LMNTD1: variants seen among roughly 807,000 people sequenced by gnomAD.
LMNTD1 encodes lamin tail domain-containing protein 1.
A neutral mutation model predicts 50.9 loss-of-function variants in LMNTD1; 35 were observed. The observed-to-expected ratio is 0.69, with a 90% CI of 0.53 to 0.91. The LOEUF (loss-of-function observed/expected upper bound fraction) is 0.91. LMNTD1 is among the 40% of genes least tolerant of loss of function. The pLI is 0.00. For synonymous variants in LMNTD1, 153 were observed against 161.9 expected, an observed-to-expected ratio of 0.94 and a Z score of 0.42; for missense variants, 470 against 475.5, an observed-to-expected ratio of 0.99 and a Z score of 0.11.
chr12:25,643,144 T>C (rs1056027992), intron 1 of LMNTD1, among the ~76,000 whole-genome samples: 17 of 152,192 alleles, frequency 1.1e-4, no homozygotes, highest in African/African-American at 4.1e-4. Context: ...TAATTTTAGA[T>C]TGTAATAAGA....
At chr12:25,533,952 C>G (rs1220686267) in intron 4 of LMNTD1, among the ~76,000 whole-genome samples, 2 of 152,178 alleles carry the variant, frequency 1.3e-5, no homozygotes, top group Non-Finnish European at 2.9e-5. Flanking sequence ...CATTTTGACT[C>G]TAGACTTGTA....
upstream of LMNTD1, among the ~76,000 whole-genome samples, chr12:25,554,514 A>G (rs1456699931): frequency 6.6e-6 from 1 of 152,172 alleles, no homozygotes; most frequent in Admixed American, 6.5e-5. Flanking sequence ...AATGAAAACC[A>G]ATTTCCTCTT....
At chr12:25,528,218 T>C (rs1489256904) in intron 4 of LMNTD1, among the ~76,000 whole-genome samples, 1 of 152,200 alleles carries the variant, frequency 6.6e-6, no homozygotes, top group Non-Finnish European at 1.5e-5. Context: ...AGGAACACTG[T>C]ATTATCTCAT....
chr12:25,622,329 A>C lies in LMNTD1; in HGVS notation c.58+26165T>G, dbSNP rs113447463. 4.6e-3 allele frequency among the ~76,000 whole-genome samples: 693 copies of C among 152,252 alleles called. 5 individuals carry two copies. Among genetic ancestry groups the C allele is most frequent in the Middle Eastern group, 0.017 (5 of 294 alleles). ...TACAGCAAACAGCTAACTTCACCGT[A>C]TGACTTAGCCAAGTGTAAAACAACA... is the stretch of plus-strand genomic sequence containing the variant. On this transcript the variant is annotated intron_variant, in intron 1 of 7. Coordinates refer to the LMNTD1 transcript ENST00000445693.
chr12:25,633,081 G>A (rs539684896), intron 1 of LMNTD1, among the ~76,000 whole-genome samples: 3 of 151,084 alleles, frequency 2.0e-5, no homozygotes, highest in African/African-American at 7.3e-5. Context: ...GAGACAAAGA[G>A]GGACATCATG....
intron 1 of LMNTD1, among the ~76,000 whole-genome samples, chr12:25,643,235 C>CTTTCTAAACAGATGACAGTTGA (rs1946990020): frequency 6.6e-6 from 1 of 152,114 alleles, no homozygotes; most frequent in African/African-American, 2.4e-5. Flanking sequence ...CAGGGGAAGC[C>CTTTCTAAACAGATGACAGTTGA]TTTCTAAACA....
chr12:25,560,390 C>A (rs1017436549), intron 1 of LMNTD1, among the ~76,000 whole-genome samples: 1 of 152,118 alleles, frequency 6.6e-6, no homozygotes, highest in African/African-American at 2.4e-5. Context: ...CTGTTCTGTT[C>A]CATTGATCTA....
intron 6 of LMNTD1, among the ~76,000 whole-genome samples, chr12:25,524,106 C>T (rs1355386): frequency 0.71 from 107,326 of 152,068 alleles, 39,722 homozygotes; most frequent in East Asian, 0.85. Flanking sequence ...TACAGATTCA[C>T]AACACATGGC....
chr12:25,514,187 T>A (rs1199219545), intron 8 of LMNTD1, among the ~76,000 whole-genome samples: 2 of 152,040 alleles, frequency 1.3e-5, no homozygotes, highest in African/African-American at 4.8e-5. Flanking sequence ...CAGTGATAGA[T>A]CAATAGAACA....
intron 9 of LMNTD1, among the ~76,000 whole-genome samples, chr12:25,476,983 C>A (rs944535005): frequency 2.0e-5 from 3 of 152,150 alleles, no homozygotes; most frequent in Admixed American, 2.0e-4. Flanking sequence ...TATCACCACA[C>A]CAAGGTGAGT....
intron 1 of LMNTD1, among the ~76,000 whole-genome samples, chr12:25,590,544 T>C (rs1474160969): frequency 1.3e-5 from 2 of 152,174 alleles, no homozygotes; most frequent in East Asian, 3.9e-4. Flanking sequence ...TAGGGGGTCA[T>C]GTGACCTACT....
chr12:25,478,195 C>G lies in LMNTD1; in HGVS notation c.*23-1735G>C, dbSNP rs144699536. On this transcript the variant is annotated intron_variant, in intron 9 of 9. Transcript: ENST00000458174. ...ATACTTCAATCCAATCAAGTTGACA[C>G]TCAGTATTAACCATCACAAGTCCAC... Among the ~76,000 whole-genome samples the G allele has an allele frequency of 1.7e-3, 258 of 152,262 alleles. 3 individuals carry two copies. In the East Asian group the frequency reaches 0.026, roughly 15 times the overall value.
At chr12:25,585,666 G>A (rs1490212206) in intron 1 of LMNTD1, among the ~76,000 whole-genome samples, 4 of 152,118 alleles carry the variant, frequency 2.6e-5, no homozygotes, top group Non-Finnish European at 4.4e-5. Flanking sequence ...CAGACCACAC[G>A]AAACTAGGTT....
intron 4 of LMNTD1, among the ~76,000 whole-genome samples, chr12:25,542,179 C>G (rs1943127429): frequency 6.6e-6 from 1 of 152,008 alleles, no homozygotes; most frequent in Admixed American, 6.5e-5. Context: ...CCTCAGGGAT[C>G]TAGAACTAGA....
chr12:25,512,514 T>C (rs2135991465), intron 8 of LMNTD1, among the ~76,000 whole-genome samples: 1 of 152,290 alleles, frequency 6.6e-6, no homozygotes. Context: ...TCTTTACGTA[T>C]TTTATAACAT....
intron 1 of LMNTD1, among the ~76,000 whole-genome samples, chr12:25,629,852 A>G (rs947624564): frequency 6.6e-6 from 1 of 152,208 alleles, no homozygotes; most frequent in East Asian, 1.9e-4. Flanking sequence ...AAGAGTCCTC[A>G]TGGAGTTGGA....
intron 1 of LMNTD1, among the ~76,000 whole-genome samples, chr12:25,601,308 A>G (rs566278330): frequency 6.6e-6 from 1 of 152,048 alleles, no homozygotes; most frequent in East Asian, 1.9e-4. Flanking sequence ...TGGGAAGGGT[A>G]GTGGGATGGT....
intron 8 of LMNTD1, 134 bp downstream of exon 8, chr12:25,518,661 T>C: frequency 2.6e-6 from 2 of 764,776 alleles, no homozygotes; most frequent in Non-Finnish European, 4.3e-6. Context: ...AATACTTCCT[T>C]TAAGAGCCAT....
At chr12:25,525,726 A>T (rs984594280) in intron 6 of LMNTD1, among the ~76,000 whole-genome samples, 13 of 152,056 alleles carry the variant, frequency 8.5e-5, no homozygotes, top group Non-Finnish European at 2.9e-5. Context: ...GAGGATGGGG[A>T]ACATAAGGAT....
Sources: gnomAD v4.1 joint callset for allele counts (sites outside exome capture counted in the v4.1 genomes callset) on GRCh38, gnomAD v4.1.1 for gene constraint, MANE v1.5 for transcripts, NCBI Gene and HGNC (gene_info 2026-07-23, HGNC 2026-07-21) for gene names.